BAIAP2L1: variants seen among roughly 807,000 people sequenced by gnomAD.
BAIAP2L1 encodes BAR/IMD domain containing adaptor protein 2 like 1.
Under a neutral mutation model 66.3 loss-of-function variants are expected in BAIAP2L1, and 35 were observed. The ratio of observed to expected loss-of-function variants is 0.53; its 90% CI spans 0.40 to 0.70. BAIAP2L1 has a LOEUF of 0.70. BAIAP2L1 is among the 30% of genes least tolerant of loss of function. The pLI is 0.00. For synonymous variants in BAIAP2L1, 269 were observed against 248.7 expected (o/e 1.08, Z -0.77); for missense variants, 622 against 656.9 (o/e 0.95, Z 0.58).
At chr7:98,366,038 G>A (rs1356519034) in intron 1 of BAIAP2L1, among the ~76,000 whole-genome samples, 1 of 152,154 alleles carries the variant, frequency 6.6e-6, no homozygotes, top group Non-Finnish European at 1.5e-5. Context: ...GGTAGTGGCT[G>A]ACTTGCTGGC....
intron 1 of BAIAP2L1, 71 bp downstream of exon 1, chr7:98,400,731 C>T: frequency 1.3e-5 from 20 of 1,507,924 alleles, no homozygotes; most frequent in South Asian, 6.0e-5. Context: ...AGTACCTTCC[C>T]GCGTAAAGTC....
intron 1 of BAIAP2L1, among the ~76,000 whole-genome samples, chr7:98,392,894 G>A (rs1251536287): frequency 9.4e-6 from 1 of 106,430 alleles, no homozygotes; most frequent in African/African-American, 2.9e-5. Context: ...CCAGGTTCAG[G>A]CAATTCTCCT....
chr7:98,317,498 C>A, intron 5 of BAIAP2L1, 142 bp from the exon 6 acceptor site: 1 of 1,000,718 alleles, frequency 1.0e-6, no homozygotes, highest in South Asian at 1.5e-5. Flanking sequence ...CTGGCTGGGG[C>A]CCCCACACCC....
intron 3 of BAIAP2L1, among the ~76,000 whole-genome samples, chr7:98,339,909 A>AC (rs1216164501): frequency 2.6e-5 from 4 of 151,406 alleles, no homozygotes; most frequent in East Asian, 1.9e-4. Flanking sequence ...CCTTTGCGCC[A>AC]CCCCCCCTCG....
chr7:98,393,193 T>TTA (rs1253389647), intron 1 of BAIAP2L1, among the ~76,000 whole-genome samples: 7 of 89,610 alleles, frequency 7.8e-5, no homozygotes, highest in Non-Finnish European at 1.7e-4. Context: ...ATGTGTGTGT[T>TTA]TATATATATA....
At chr7:98,377,169 A>G (rs1297331002) in intron 1 of BAIAP2L1, among the ~76,000 whole-genome samples, 1 of 152,182 alleles carries the variant, frequency 6.6e-6, no homozygotes, top group Non-Finnish European at 1.5e-5. Flanking sequence ...AGATATACAT[A>G]TACATACATA....
intron 1 of BAIAP2L1, among the ~76,000 whole-genome samples, chr7:98,371,787 C>T (rs1231151992): frequency 1.3e-5 from 2 of 149,996 alleles, no homozygotes; most frequent in Admixed American, 1.3e-4. Flanking sequence ...ATTAGTTTCT[C>T]TTTTAGTTTC....
At chr7:98,371,050 G>A (rs973966832) in intron 1 of BAIAP2L1, among the ~76,000 whole-genome samples, 19 of 152,160 alleles carry the variant, frequency 1.2e-4, no homozygotes, top group African/African-American at 4.3e-4. Context: ...GACCTGAATT[G>A]TTAAACAGCC....
At chr7:98,306,779 C>T (rs760866052) in intron 10 of BAIAP2L1, 1 of 463,516 alleles carries the variant, frequency 2.2e-6, no homozygotes, top group South Asian at 2.2e-5. Flanking sequence ...GCGATCATAG[C>T]TCACAGCAGC....
chr7:98,347,568 G>T (rs557173197), intron 3 of BAIAP2L1, among the ~76,000 whole-genome samples: 1 of 152,176 alleles, frequency 6.6e-6, no homozygotes, highest in East Asian at 1.9e-4. Context: ...GAGGTCAGGA[G>T]ATCGAGACCA....
intron 1 of BAIAP2L1, among the ~76,000 whole-genome samples, chr7:98,367,254 T>G (rs935160284): frequency 6.6e-6 from 1 of 152,200 alleles, no homozygotes; most frequent in Non-Finnish European, 1.5e-5. Context: ...TCTATAACCA[T>G]AGTATATTAT....
intron 9 of BAIAP2L1, chr7:98,308,271 G>T (rs1471973059): frequency 6.4e-6 from 3 of 471,326 alleles, no homozygotes; most frequent in Non-Finnish European, 1.3e-5. Flanking sequence ...AATCGCAAAG[G>T]CAGGCTAGGG....
At chr7:98,365,767 A>T (rs139271835) in intron 1 of BAIAP2L1, among the ~76,000 whole-genome samples, 9 of 152,358 alleles carry the variant, frequency 5.9e-5, no homozygotes, top group African/African-American at 2.2e-4. Flanking sequence ...GGTGTGAGCC[A>T]CCACGCCCAG....
intron 2 of BAIAP2L1, among the ~76,000 whole-genome samples, chr7:98,360,370 C>T (rs149782384): frequency 3.9e-5 from 6 of 152,290 alleles, no homozygotes; most frequent in African/African-American, 1.4e-4. Context: ...TAACTGTGGA[C>T]TGCACACCTG....
intron 3 of BAIAP2L1, among the ~76,000 whole-genome samples, chr7:98,336,813 G>GA (rs1801627795): frequency 6.6e-6 from 1 of 152,144 alleles, no homozygotes; most frequent in African/African-American, 2.4e-5. Flanking sequence ...GGAGAGACTG[G>GA]AAAGGCCTAA....
At chr7:98,304,543 C>A (rs7802541) in intron 11 of BAIAP2L1, among the ~76,000 whole-genome samples, 167 bp from the exon 12 acceptor site, 58,222 of 151,690 alleles carry the variant, frequency 0.38, 12,682 homozygotes, top group Middle Eastern at 0.54. Context: ...CAATACAAAA[C>A]ACTGTATTTT....
chr7:98,335,782 G>A (rs1801605224), intron 3 of BAIAP2L1, among the ~76,000 whole-genome samples: 1 of 152,130 alleles, frequency 6.6e-6, no homozygotes, highest in East Asian at 1.9e-4. Context: ...GGACCACCGG[G>A]ACACCTTCCC....
In BAIAP2L1 at chr7:98,294,128, G is replaced by T; in HGVS notation, c.1423-17C>A. 1 of 1,613,004 alleles carries T rather than the reference G, an allele frequency of 6.2e-7. No homozygotes were observed. The highest frequency in any genetic ancestry group is 8.5e-7 in the Non-Finnish European group (1 of 1,178,980). ...GGCATCGTTCTGTGAGAAAGATAAAGAAGTTTATGGAGGGCTTAGAATTGG... is the reference window on the plus strand; with the variant it reads ...GGCATCGTTCTGTGAGAAAGATAAATAAGTTTATGGAGGGCTTAGAATTGG... On this transcript the variant is annotated splice_polypyrimidine_tract_variant and intron_variant, in intron 12 of 13. Coordinates refer to ENST00000005260, the MANE Select transcript of BAIAP2L1 (RefSeq NM_018842.5).
intron 8 of BAIAP2L1, among the ~76,000 whole-genome samples, chr7:98,311,757 T>C (rs1435210480): frequency 6.6e-6 from 1 of 151,738 alleles, no homozygotes; most frequent in Non-Finnish European, 1.5e-5. Flanking sequence ...AATACAAAAA[T>C]TAGCCAGGCA....
Sources: gnomAD v4.1 joint callset for allele counts (sites outside exome capture counted in the v4.1 genomes callset) on GRCh38, gnomAD v4.1.1 for gene constraint, MANE v1.5 for transcripts, NCBI Gene and HGNC (gene_info 2026-07-23, HGNC 2026-07-21) for gene names.